The following ACACB variants were observed in gnomAD, a reference collection of about 807,000 sequenced individuals.
ACACB encodes the protein acetyl-CoA carboxylase 2.
In ACACB, 209 loss-of-function variants were observed where a neutral mutation model predicts 278.8. The ratio of observed to expected loss-of-function variants is 0.75; its 90% CI spans 0.67 to 0.84. The LOEUF (loss-of-function observed/expected upper bound fraction) is 0.84. ACACB is among the 40% of genes least tolerant of loss of function. The pLI is 0.00. For synonymous variants in ACACB, 1,174 were observed against 1,285.6 expected (o/e 0.91, Z 1.86); for missense variants, 2,850 against 3,269.0 (o/e 0.87, Z 3.13).
At chr12:109,154,227 C>T (rs2043455234) in intron 2 of ACACB, among the ~76,000 whole-genome samples, 1 of 152,220 alleles carries the variant, frequency 6.6e-6, no homozygotes. Context: ...CCAGGTGGTG[C>T]AAAGTGCGTG....
chr12:109,147,311 A>ACC (rs1474507641), intron 2 of ACACB, among the ~76,000 whole-genome samples: 1 of 150,804 alleles, frequency 6.6e-6, no homozygotes, highest in Non-Finnish European at 1.5e-5. Flanking sequence ...GCTCACTGCA[A>ACC]CCCCACAGGC....
upstream of ACACB, among the ~76,000 whole-genome samples, chr12:109,115,428 C>A (rs1348854893): frequency 2.0e-5 from 3 of 152,094 alleles, no homozygotes; most frequent in Non-Finnish European, 4.4e-5. Context: ...TAAAAATGTC[C>A]TTGAATCACA....
At chr12:109,178,210 T>C (rs1344058779) in intron 9 of ACACB, among the ~76,000 whole-genome samples, 1 of 152,340 alleles carries the variant, frequency 6.6e-6, no homozygotes, top group Non-Finnish European at 1.5e-5. Flanking sequence ...TCCTATACAT[T>C]ATTGCAAATT....
At chr12:109,215,020 C>T (rs1435092987) in intron 22 of ACACB, among the ~76,000 whole-genome samples, 1 of 151,390 alleles carries the variant, frequency 6.6e-6, no homozygotes, top group East Asian at 1.9e-4. Flanking sequence ...TGCTTGAGCC[C>T]GGGAGGCAGA....
rs1390044511 is a variant in ACACB at position 109,171,891 on chromosome 12, A to G, written c.1012A>G (p.Ile338Val). 16 of 1,613,974 alleles carry G rather than the reference A, an allele frequency of 9.9e-6. No homozygotes were observed. Among genetic ancestry groups the G allele is most frequent in the African/African-American group, 1.3e-5 (1 of 74,902 alleles). ...TGCCAACGTGGAGCTGATTGTGGAC[A>G]TTGCCAAGAGAATCCCCGTGCAGGT... ...NYANVELIVD[I>V]AKRIPVQAVW... is the part of the protein sequence containing the mutation. Residue 338 changes from isoleucine to valine, a missense_variant, in exon 5 of 53, where the codon ATT becomes GTT. By Grantham distance (29) the Ile-to-Val change is conservative (BLOSUM62 3). Transcript: ENST00000338432.
At position 109,179,981 on chromosome 12, in the gene ACACB, G is replaced by C; in HGVS notation, c.1712G>C (p.Ser571Thr). The change falls in exon 11 of 53, where the codon AGT becomes ACT. Residue 571 changes from serine (S) to threonine (T), a missense_variant. Ser to Thr is a moderately conservative substitution (Grantham distance 58, BLOSUM62 1). Around this residue, in one of 3 missense-constraint regions of ACACB, gnomAD observed 2,265 missense variants for 2,561.3 expected, o/e 0.88. Transcript: ENST00000338432. The stretch of plus-strand genomic sequence containing the variant: ...GCAGGGACAGTGGAATACCTCTATA[G>C]TCAGGATGGCAGCTTCCACTTCTTG... ...VSAGTVEYLY[S>T]QDGSFHFLEL... 6.2e-7 allele frequency: 1 copy of C among 1,614,046 alleles called. No individual in the cohort carries two copies. The highest frequency in any genetic ancestry group is 1.3e-5 in the African/African-American group (1 of 75,044).
intron 31 of ACACB, among the ~76,000 whole-genome samples, chr12:109,234,934 A>T (rs1328606668): frequency 7.0e-6 from 1 of 142,904 alleles, no homozygotes; most frequent in Non-Finnish European, 1.6e-5. Context: ...AGAAGAAATA[A>T]GAAAAAAAGT....
At chr12:109,142,557 CTCTT>C (rs967354958) in intron 2 of ACACB, among the ~76,000 whole-genome samples, 10 of 152,040 alleles carry the variant, frequency 6.6e-5, no homozygotes, top group East Asian at 3.9e-4. Context: ...CTCTCTCTTT[CTCTT>C]TCTTTCTTCT....
At chr12:109,252,248 A>G (rs1048856604) in intron 42 of ACACB, 92 bp downstream of exon 42, 7 of 850,114 alleles carry the variant, frequency 8.2e-6, no homozygotes, top group South Asian at 4.3e-5. Context: ...ATTTTTCTCA[A>G]TATGAAGCCA....
chr12:109,228,033 CAA>C (rs1444511686), intron 28 of ACACB, among the ~76,000 whole-genome samples: 22 of 71,890 alleles, frequency 3.1e-4, no homozygotes, highest in Middle Eastern at 0.015. Flanking sequence ...GACTCCGTCT[CAA>C]AAAAAAAAAA....
At chr12:109,137,385 C>T (rs1199006642) in intron 1 of ACACB, among the ~76,000 whole-genome samples, 2 of 152,084 alleles carry the variant, frequency 1.3e-5, no homozygotes, top group African/African-American at 4.8e-5. Flanking sequence ...TATGGCAGGG[C>T]ACAGTGTCTC....
chr12:109,168,192 G>A (rs1002932158), intron 4 of ACACB, among the ~76,000 whole-genome samples, 158 bp downstream of exon 4: 3 of 152,146 alleles, frequency 2.0e-5, no homozygotes, highest in Non-Finnish European at 2.9e-5. Context: ...TAATTAAAAT[G>A]TCTGCTGACA....
At chr12:109,121,003 G>A (rs888761017) in intron 1 of ACACB, among the ~76,000 whole-genome samples, 7 of 152,214 alleles carry the variant, frequency 4.6e-5, no homozygotes, top group African/African-American at 1.7e-4. Flanking sequence ...GCAGTGGCGT[G>A]ATCTCAGCTA....
chr12:109,185,521 T>G, intron 11 of ACACB, 58 bp from the exon 12 acceptor site: 1 of 1,596,892 alleles, frequency 6.3e-7, no homozygotes, highest in Non-Finnish European at 8.5e-7. Context: ...GTGCCTGGTG[T>G]TTTGGGGCCG....
intron 20 of ACACB, among the ~76,000 whole-genome samples, chr12:109,208,180 C>T (rs554567378): frequency 1.4e-4 from 21 of 151,940 alleles, no homozygotes; most frequent in Admixed American, 2.6e-4. Flanking sequence ...TTCGCCCCCA[C>T]GTTATGCTGC....
chr12:109,264,435 C>G (rs1452500369), intron 50 of ACACB, 49 bp downstream of exon 50: 1 of 1,605,776 alleles, frequency 6.2e-7, no homozygotes, highest in East Asian at 2.2e-5. Context: ...ACCCTGTTTT[C>G]CAAAACATGG....
chr12:109,167,038 C>T (rs2043932802), intron 3 of ACACB, 45 bp downstream of exon 3: 1 of 1,611,120 alleles, frequency 6.2e-7, no homozygotes, highest in Non-Finnish European at 8.5e-7. Flanking sequence ...GATTGGGGTG[C>T]AGGGGCCCCT....
intron 50 of ACACB, 134 bp from the exon 51 acceptor site, chr12:109,264,976 C>G: frequency 9.7e-7 from 1 of 1,030,154 alleles, no homozygotes; most frequent in Non-Finnish European, 1.4e-6. Flanking sequence ...CCTCAGCTTA[C>G]TTGCCTGGGA....
At chr12:109,150,945 T>G (rs2043354044) in intron 2 of ACACB, among the ~76,000 whole-genome samples, 1 of 151,856 alleles carries the variant, frequency 6.6e-6, no homozygotes, top group Non-Finnish European at 1.5e-5. Flanking sequence ...CTTTTTCTTT[T>G]TCTTTTTCTT....
Sources: gnomAD v4.1 joint callset for allele counts (sites outside exome capture counted in the v4.1 genomes callset) on GRCh38, gnomAD v4.1.1 for gene constraint, gnomAD v4.1.1 regional missense constraint, MANE v1.5 for transcripts, NCBI Gene and HGNC (gene_info 2026-07-23, HGNC 2026-07-21) for gene names.